Variants in CDK13 observed in about 807,000 individuals in gnomAD.
CDK13 encodes the protein cyclin-dependent kinase 13.
In CDK13, 40 loss-of-function variants were observed where a neutral mutation model predicts 137.6. The observed-to-expected ratio is 0.29, with a 90% CI of 0.23 to 0.38. CDK13 has a LOEUF of 0.38. Ranked by LOEUF, CDK13 falls within the 10% of genes least tolerant of loss-of-function variation. The pLI is 1.00. For synonymous variants in CDK13, 869 were observed against 760.1 expected, an observed-to-expected ratio of 1.14 and a Z score of -2.36; for missense variants, 1,704 against 1,951.8, an observed-to-expected ratio of 0.87 and a Z score of 2.39.
At chr7:39,992,181 T>C (rs1297371260) in intron 2 of CDK13, among the ~76,000 whole-genome samples, 1 of 151,616 alleles carries the variant, frequency 6.6e-6, no homozygotes. Context: ...TGTGTGTGTG[T>C]GTGTGTGTGT....
intron 7 of CDK13, among the ~76,000 whole-genome samples, chr7:40,050,490 C>A (rs1785862748): frequency 6.6e-6 from 1 of 152,236 alleles, no homozygotes; most frequent in Non-Finnish European, 1.5e-5. Context: ...CTCCCGGGTT[C>A]TAGCGATTCT....
In CDK13 at chr7:40,098,115, A is replaced by G. The variant is rs556724352; in HGVS notation, c.*3135A>G. On this transcript the variant is annotated 3_prime_UTR_variant, in exon 14 of 14. Transcript: ENST00000181839. ...TATCTTTTTGAAATTTTAAATTGAA[A>G]TTTGGATAGAGATGGTTATGGAGAG... 17 of 152,262 alleles carry G rather than the reference A, an allele frequency of 1.1e-4. No individual in the cohort carries two copies. Among genetic ancestry groups the G allele is most frequent in the Non-Finnish European group, 2.1e-4 (14 of 67,982 alleles). The allele number at this position is 152,262 out of a possible 1,614,324, so 9.4% of individuals were successfully genotyped here. A position where few individuals can be genotyped will look rare whatever the true frequency, so the allele number is the denominator to read the frequency against.
chr7:40,083,367 T>C (rs1786714168), intron 11 of CDK13, among the ~76,000 whole-genome samples: 1 of 151,946 alleles, frequency 6.6e-6, no homozygotes, highest in Non-Finnish European at 1.5e-5. Context: ...GGATTTCTTG[T>C]CTAGTAATTA....
chr7:39,951,850 C>G lies in CDK13; in HGVS notation c.1209C>G (p.Leu403=), dbSNP rs554277553. The change falls in exon 1 of 14, where the codon CTC becomes CTG. Residue 403 remains leucine (L), a splice_region_variant and synonymous_variant. Transcript: ENST00000181839. ...CTCGCAGTCCCTACAGCCCTGTGCT[C>G]AGGTGAGTTCTGCCGTTCTGCCTGT... The part of the protein sequence containing the change: ...RRSRSPYSPV[L]RRSGKSRSRS... 1 of 1,381,554 alleles carries G rather than the reference C, an allele frequency of 7.2e-7. No homozygotes were observed. The highest frequency in any genetic ancestry group is 1.5e-5 in the African/African-American group (1 of 67,066). 85.6% of individuals were successfully genotyped at this position (1,381,554 alleles called of 1,614,324 possible).
rs188326375 is a variant in CDK13 at position 39,970,349 on chromosome 7, A to G, written c.1212-17250A>G. ...AAAAATTTTTGCCTAACCCACAGTA[A>G]CAGATATTTTCTCCTTAGGCTTATA... On this transcript the variant is annotated intron_variant, in intron 1 of 13. Coordinates refer to ENST00000181839, the MANE Select transcript of CDK13 (RefSeq NM_003718.5). Among the ~76,000 whole-genome samples the G allele has an allele frequency of 2.2e-3, 338 of 152,226 alleles. 1 individual carries two copies. Among genetic ancestry groups the G allele is most frequent in the African/African-American group, 7.7e-3 (321 of 41,546 alleles).
chr7:39,967,112 T>C (rs535601175), intron 1 of CDK13, among the ~76,000 whole-genome samples: 16 of 152,286 alleles, frequency 1.1e-4, no homozygotes, highest in African/African-American at 3.8e-4. Context: ...AGCTGCGTGC[T>C]GGGAGAACCA....
intron 5 of CDK13, among the ~76,000 whole-genome samples, chr7:40,004,572 G>A (rs1784758473): frequency 6.6e-6 from 1 of 152,176 alleles, no homozygotes; most frequent in Non-Finnish European, 1.5e-5. Flanking sequence ...AACTAGATTT[G>A]AAGTCTAATC....
chr7:39,952,908 A>G (rs1787281669), intron 1 of CDK13: 1 of 152,184 alleles, frequency 6.6e-6, no homozygotes, highest in African/African-American at 2.4e-5. Context: ...ATTAAAAACA[A>G]CTTTCGAGTA....
At chr7:40,038,505 G>A (rs759842242) in intron 5 of CDK13, among the ~76,000 whole-genome samples, 13 of 152,148 alleles carry the variant, frequency 8.5e-5, no homozygotes, top group Non-Finnish European at 1.8e-4. Flanking sequence ...GGATTGTTAA[G>A]TCAAAGGGAA....
At chr7:40,087,423 G>A (rs896424839) in intron 11 of CDK13, among the ~76,000 whole-genome samples, 36 of 152,076 alleles carry the variant, frequency 2.4e-4, no homozygotes, top group African/African-American at 3.4e-4. Context: ...GATTATAGGC[G>A]TGAGCCACTG....
intron 5 of CDK13, among the ~76,000 whole-genome samples, chr7:40,045,231 T>C (rs1341759403): frequency 2.6e-5 from 4 of 152,160 alleles, no homozygotes. Context: ...GTTTGTATAG[T>C]TTGTGTGTGT....
intron 7 of CDK13, among the ~76,000 whole-genome samples, chr7:40,050,164 C>T (rs1008657673): frequency 6.6e-6 from 1 of 152,002 alleles, no homozygotes; most frequent in South Asian, 2.1e-4. Context: ...GGACGCTTAA[C>T]GTTGATTCCC....
intron 1 of CDK13, among the ~76,000 whole-genome samples, chr7:39,980,715 G>A (rs1467880457): frequency 6.6e-6 from 1 of 152,120 alleles, no homozygotes; most frequent in Non-Finnish European, 1.5e-5. Flanking sequence ...CAACAGTGGA[G>A]GACTGGATAT....
In CDK13 at chr7:40,097,129, A is replaced by G. The variant is rs1787066047; in HGVS notation, c.*2149A>G. 6.6e-6 allele frequency: 1 copy of G among 152,132 alleles called. No individual in the cohort carries two copies. Among genetic ancestry groups the G allele is most frequent in the Non-Finnish European group, 1.5e-5 (1 of 67,986 alleles). 9.4% of individuals were successfully genotyped at this position (152,132 alleles called of 1,614,324 possible). A position where few individuals can be genotyped will look rare whatever the true frequency, so the allele number is the denominator to read the frequency against. On this transcript the variant is annotated 3_prime_UTR_variant, in exon 14 of 14. Transcript: ENST00000181839. ...TTAAAAATTAAATATTTTATATAAA[A>G]TTGAACTGTGTTTGGATAGTTTTTC...
intron 12 of CDK13, among the ~76,000 whole-genome samples, chr7:40,089,719 A>AGT (rs1180710703): frequency 4.9e-5 from 7 of 143,286 alleles, no homozygotes; most frequent in Admixed American, 1.4e-4. Context: ...AGAGAGAGAG[A>AGT]GAGAGTGTGT....
chr7:40,003,054 G>A (rs534607268), intron 5 of CDK13, among the ~76,000 whole-genome samples: 8 of 151,604 alleles, frequency 5.3e-5, no homozygotes, highest in Non-Finnish European at 1.0e-4. Flanking sequence ...CTCCAACCTC[G>A]GTGACAGAGC....
chr7:39,987,846 G>T lies in CDK13; in HGVS notation c.1459G>T (p.Ala487Ser), dbSNP rs34910103. ...GGCTGCTGAGGCTGCTGCCAAGGCT[G>T]CAAAAGCTTCAAACACTTCTACACC... is the stretch of plus-strand genomic sequence containing the variant. ...TKAAEAAAKA[A>S]KASNTSTPTK... The change falls in exon 2 of 14, where the codon GCA becomes TCA. Residue 487 changes from alanine (A) to serine (S), a missense_variant. Ala to Ser is a moderately conservative substitution (Grantham distance 99). This residue lies in a region of CDK13 where 1,051 missense variants were observed against 931.0 expected (regional missense o/e 1.13). Coordinates refer to ENST00000181839, the MANE Select transcript of CDK13 (RefSeq NM_003718.5). The T allele has an allele frequency of 3.3e-4, 532 of 1,614,076 alleles. No individual in the cohort carries two copies. Among genetic ancestry groups the T allele is most frequent in the Middle Eastern group, 8.2e-4 (5 of 6,084 alleles).
chr7:40,030,990 A>C lies in CDK13; in HGVS notation c.2354-14846A>C, dbSNP rs183759182. 4.1e-4 allele frequency among the ~76,000 whole-genome samples: 62 copies of C among 152,290 alleles called. 1 individual carries two copies. Among genetic ancestry groups the C allele is most frequent in the Admixed American group, 1.8e-3 (27 of 15,294 alleles). ...ATATTTGTATGCAGGTTTTTGTGTT[A>C]ATTTCAGCTCCTTTGGGTAAACACC... On this transcript the variant is annotated intron_variant, in intron 5 of 13. Coordinates refer to ENST00000181839, the MANE Select transcript of CDK13 (RefSeq NM_003718.5).
chr7:40,018,559 A>G (rs955623712), intron 5 of CDK13, among the ~76,000 whole-genome samples: 17 of 152,146 alleles, frequency 1.1e-4, no homozygotes, highest in Admixed American at 4.6e-4. Context: ...TGTATACACC[A>G]TGGAATACTA....
Sources: allele counts gnomAD v4.1 joint callset (sites outside exome capture counted in the v4.1 genomes callset), GRCh38; gene constraint gnomAD v4.1.1; regional missense constraint gnomAD v4.1.1; transcripts MANE v1.5; gene names NCBI Gene and HGNC (gene_info 2026-07-23, HGNC 2026-07-21).